COLEC12: variants seen among roughly 807,000 people sequenced by gnomAD.
COLEC12 encodes collectin-12.
COLEC12 carries 33 observed loss-of-function variants against 71.1 expected under a neutral mutation model. The ratio of observed to expected loss-of-function variants is 0.46; its 90% confidence interval spans 0.35 to 0.62. The LOEUF (loss-of-function observed/expected upper bound fraction) is 0.62. COLEC12 is among the 20% of genes least tolerant of loss of function. The pLI, the probability that COLEC12 is intolerant of heterozygous loss-of-function variation, is 0.00. For synonymous variants in COLEC12, 350 were observed against 353.0 expected (o/e 0.99, Z 0.10); for missense variants, 765 against 916.1 (o/e 0.84, Z 2.13).
intron 2 of COLEC12, among the ~76,000 whole-genome samples, chr18:368,643 T>C (rs1218973627): frequency 6.6e-6 from 1 of 151,478 alleles, no homozygotes; most frequent in African/African-American, 2.4e-5. Context: ...GGTGGGCGGA[T>C]CATGAGGTCA....
At chr18:443,712 T>A (rs977909051) in intron 2 of COLEC12, among the ~76,000 whole-genome samples, 4 of 152,192 alleles carry the variant, frequency 2.6e-5, no homozygotes, top group Non-Finnish European at 4.4e-5. Flanking sequence ...AGGAACGTGC[T>A]GATATAGTTA....
chr18:394,952 G>A (rs555974391), intron 2 of COLEC12, among the ~76,000 whole-genome samples: 1 of 152,268 alleles, frequency 6.6e-6, no homozygotes, highest in South Asian at 2.1e-4. Flanking sequence ...AAAAACACCT[G>A]GTATTGAAGT....
intron 2 of COLEC12, among the ~76,000 whole-genome samples, chr18:427,990 C>G (rs756575465): frequency 6.6e-6 from 1 of 152,176 alleles, no homozygotes; most frequent in African/African-American, 2.4e-5. Flanking sequence ...CCTGGCCGGG[C>G]GTGGTGGCTC....
intron 2 of COLEC12, among the ~76,000 whole-genome samples, chr18:361,542 G>A (rs1051080146): frequency 4.6e-5 from 7 of 152,062 alleles, no homozygotes; most frequent in Non-Finnish European, 7.4e-5. Flanking sequence ...AAGGATGCGC[G>A]CATGAACACA....
At chr18:369,772 G>A (rs1914960697) in intron 2 of COLEC12, among the ~76,000 whole-genome samples, 1 of 152,118 alleles carries the variant, frequency 6.6e-6, no homozygotes, top group South Asian at 2.1e-4. Context: ...ACGGATACAG[G>A]CTGACTTAAC....
chr18:493,230 G>A lies in COLEC12; in HGVS notation c.7+7278C>T, dbSNP rs917027928. On this transcript the variant is annotated intron_variant, in intron 1 of 9. Transcript: ENST00000400256. ...GCTGGGACTATAGCCACTCACCACC[G>A]CACCCATTAAATTTTCTGTGGAGAC... is the stretch of plus-strand genomic sequence containing the variant. 5.9e-5 allele frequency among the ~76,000 whole-genome samples: 9 copies of A among 152,014 alleles called. No homozygotes were observed. In the East Asian group the frequency reaches 9.7e-4, roughly 16 times the overall value.
intron 2 of COLEC12, among the ~76,000 whole-genome samples, chr18:443,810 G>A (rs1450321566): frequency 6.6e-6 from 1 of 152,154 alleles, no homozygotes; most frequent in East Asian, 1.9e-4. Context: ...GGATCATGGG[G>A]GTGGATCTCT....
At chr18:476,151 G>A (rs1479411131) in intron 2 of COLEC12, among the ~76,000 whole-genome samples, 1 of 152,134 alleles carries the variant, frequency 6.6e-6, no homozygotes. Context: ...CTGATACCCC[G>A]TTTTGGACTG....
intron 2 of COLEC12, among the ~76,000 whole-genome samples, chr18:418,029 G>C (rs1401089527): frequency 6.6e-6 from 1 of 152,158 alleles, no homozygotes; most frequent in African/African-American, 2.4e-5. Context: ...GGGTGAGGGA[G>C]GGGTGAAGAA....
intron 2 of COLEC12, among the ~76,000 whole-genome samples, chr18:470,393 G>A (rs763510397): frequency 1.8e-4 from 27 of 151,666 alleles, no homozygotes; most frequent in East Asian, 3.9e-4. Flanking sequence ...CACCATGCCC[G>A]GCTAATTTTT....
chr18:340,198 G>T (rs1914219038), intron 5 of COLEC12, among the ~76,000 whole-genome samples: 1 of 152,060 alleles, frequency 6.6e-6, no homozygotes, highest in Non-Finnish European at 1.5e-5. Flanking sequence ...TACGTGGAAG[G>T]ACATTTGAGG....
rs72859282 is a variant in COLEC12 at position 387,929 on chromosome 18, T to G, written c.59-30407A>C. 5.0e-3 allele frequency among the ~76,000 whole-genome samples: 769 copies of G among 152,326 alleles called. 1 individual carries two copies. The highest frequency in any genetic ancestry group is 8.5e-3 in the Non-Finnish European group (579 of 68,028). On this transcript the variant is annotated intron_variant, in intron 2 of 9. Coordinates refer to ENST00000400256, the MANE Select transcript of COLEC12 (RefSeq NM_130386.3). ...AGAAATTGTCAGTTCAGCCAATTGC[T>G]AGCTCTCTCCAATACTTGGGATCTA...
At chr18:356,777 T>C (rs547197936) in intron 3 of COLEC12, among the ~76,000 whole-genome samples, 2 of 152,336 alleles carry the variant, frequency 1.3e-5, no homozygotes, top group South Asian at 4.1e-4. Flanking sequence ...TGTCTGCAAG[T>C]CTGGAGGATT....
intron 2 of COLEC12, among the ~76,000 whole-genome samples, chr18:403,618 C>T (rs1333286983): frequency 2.0e-5 from 3 of 152,212 alleles, no homozygotes; most frequent in Admixed American, 2.0e-4. Flanking sequence ...TAACTGAAGA[C>T]ACATCCTTCT....
Position 423,191 on chromosome 18 carries a change from C to A in COLEC12, c.58+57516G>T, listed in dbSNP as rs533316050. 3.3e-5 allele frequency among the ~76,000 whole-genome samples: 5 copies of A among 152,226 alleles called. No individual in the cohort carries two copies. The South Asian group carries it at 1.0e-3, about 32-fold the overall frequency. ...AGATGAGGTGGGAGGACTGCTTGAGCCCAGGAAGTCAAGGCTGCAGTGAGC... is the reference window on the plus strand; with the variant it reads ...AGATGAGGTGGGAGGACTGCTTGAGACCAGGAAGTCAAGGCTGCAGTGAGC... On this transcript the variant is annotated intron_variant, in intron 2 of 9. Transcript: ENST00000400256.
chr18:470,922 G>A (rs958016509), intron 2 of COLEC12, among the ~76,000 whole-genome samples: 2 of 152,218 alleles, frequency 1.3e-5, no homozygotes, highest in Admixed American at 1.3e-4. Context: ...GAATGAGAAC[G>A]ACATGTTAGA....
chr18:470,049 T>G (rs1395399111), intron 2 of COLEC12, among the ~76,000 whole-genome samples: 1 of 152,108 alleles, frequency 6.6e-6, no homozygotes, highest in Non-Finnish European at 1.5e-5. Flanking sequence ...AGTATTCATA[T>G]TTCCCCTCAA....
rs916419430 is a variant in COLEC12, at chr18:436,532, G to A, written c.58+44175C>T. On this transcript the variant is annotated intron_variant, in intron 2 of 9. Transcript: ENST00000400256. Reference sequence around the variant, plus strand: ...CTCCATCTCAAAAAAAAAAGGGGGGGGGGGGGGAAACAGGGGTGGCTTTCT... The same window carrying A: ...CTCCATCTCAAAAAAAAAAGGGGGGAGGGGGGGAAACAGGGGTGGCTTTCT... Among the ~76,000 whole-genome samples, 17 of 141,846 alleles carry A rather than the reference G, an allele frequency of 1.2e-4. 1 individual carries two copies. Among genetic ancestry groups the A allele is most frequent in the African/African-American group, 3.0e-4 (12 of 39,502 alleles). 93.1% of individuals were successfully genotyped at this position (141,846 alleles called of 152,430 possible).
intron 2 of COLEC12, among the ~76,000 whole-genome samples, chr18:461,658 G>A (rs114276788): frequency 0.04 from 6,107 of 152,020 alleles, 221 homozygotes; most frequent in African/African-American, 0.088. Flanking sequence ...AAAGTACTAG[G>A]ATTACAGATG....
Sources: allele counts gnomAD v4.1 joint callset (sites outside exome capture counted in the v4.1 genomes callset), GRCh38; gene constraint gnomAD v4.1.1; transcripts MANE v1.5; gene names NCBI Gene and HGNC (gene_info 2026-07-23, HGNC 2026-07-21).